The following ACKR2 variants were observed in gnomAD, a reference collection of about 807,000 sequenced individuals.
ACKR2 encodes atypical chemokine receptor 2.
For synonymous variants in ACKR2, 207 were observed against 192.2 expected, an observed-to-expected ratio of 1.08 and a Z score of -0.64; for missense variants, 457 against 477.3, an observed-to-expected ratio of 0.96 and a Z score of 0.40.
chr3:42,855,447 A>T lies in ACKR2; in HGVS notation c.-37-9019A>T, dbSNP rs548254394. Among the ~76,000 whole-genome samples the T allele has an allele frequency of 3.0e-4, 46 of 152,316 alleles. No individual in the cohort carries two copies. In the South Asian group the frequency reaches 8.7e-3, roughly 29 times the overall value. On this transcript the variant is annotated intron_variant, in intron 2 of 2. Transcript: ENST00000422265. ...GCTGACTGCTGCTGTCATTGTTGGC[A>T]TTATTGATGAAAGTGATAGGAGGGA...
intron 2 of ACKR2, chr3:42,844,008 G>A (rs1415968201): frequency 1.3e-5 from 2 of 152,214 alleles, no homozygotes; most frequent in African/African-American, 4.8e-5. Flanking sequence ...ACCTCTCCGG[G>A]AACCCGCTGT....
chr3:42,817,343 G>A (rs939770740), intron 1 of ACKR2, among the ~76,000 whole-genome samples: 1 of 151,896 alleles, frequency 6.6e-6, no homozygotes, highest in Non-Finnish European at 1.5e-5. Flanking sequence ...GTTCAGCCTC[G>A]ACTTCCATTC....
chr3:42,853,004 C>A (rs145652459), intron 2 of ACKR2, among the ~76,000 whole-genome samples: 1 of 152,170 alleles, frequency 6.6e-6, no homozygotes, highest in African/African-American at 2.4e-5. Flanking sequence ...CCTGTTCACC[C>A]CTTCACGAGG....
chr3:42,828,693 A>G (rs1700898101), intron 2 of ACKR2, among the ~76,000 whole-genome samples: 1 of 152,190 alleles, frequency 6.6e-6, no homozygotes, highest in Non-Finnish European at 1.5e-5. Flanking sequence ...TATTCTGTCT[A>G]ATTCAGGACA....
chr3:42,845,814 A>G (rs1314571354), intron 2 of ACKR2, among the ~76,000 whole-genome samples: 1 of 147,994 alleles, frequency 6.8e-6, no homozygotes, highest in South Asian at 2.1e-4. Context: ...GTGCCACTGC[A>G]CTCCAGCCTG....
intron 2 of ACKR2, among the ~76,000 whole-genome samples, chr3:42,855,631 A>T (rs2088309019): frequency 6.6e-6 from 1 of 152,158 alleles, no homozygotes; most frequent in African/African-American, 2.4e-5. Context: ...AGATTCCCAG[A>T]GTGAGAGATC....
intron 1 of ACKR2, among the ~76,000 whole-genome samples, chr3:42,817,422 C>T (rs1351694239): frequency 6.6e-6 from 1 of 152,108 alleles, no homozygotes; most frequent in Non-Finnish European, 1.5e-5. Context: ...TCCTCTCTTA[C>T]CCTACCTGCG....
intron 2 of ACKR2, chr3:42,856,419 T>C (rs935486313): frequency 5.7e-6 from 4 of 702,864 alleles, no homozygotes; most frequent in Non-Finnish European, 1.0e-5. Context: ...CATGGTATCA[T>C]AGATACTTTG....
Position 42,864,979 on chromosome 3 carries a change from C to G in ACKR2, c.477C>G (p.Ala159=), listed in dbSNP as rs1239031091. The part of the protein sequence containing the change: ...AQPYHRLRTR[A]KSLLLATIVW... Reference sequence around the variant, plus strand: ...CCTACCACAGGCTGAGGACCCGGGCCAAGAGCCTGCTCCTTGCTACCATAG... The same window carrying G: ...CCTACCACAGGCTGAGGACCCGGGCGAAGAGCCTGCTCCTTGCTACCATAG... Residue 159 remains alanine (A), a synonymous_variant, in exon 3 of 3, where the codon GCC becomes GCG. Coordinates refer to ENST00000422265, the MANE Select transcript of ACKR2 (RefSeq NM_001296.5). The G allele has an allele frequency of 6.2e-7, 1 of 1,614,134 alleles. No individual in the cohort carries two copies. Among genetic ancestry groups the G allele is most frequent in the South Asian group, 1.1e-5 (1 of 91,090 alleles).
In ACKR2 at chr3:42,867,144, A is replaced by G. The variant is rs532973327; in HGVS notation, c.*1487A>G. 3 of 167,296 alleles carry G rather than the reference A, an allele frequency of 1.8e-5. No homozygotes were observed. The highest frequency in any genetic ancestry group is 7.2e-5 in the African/African-American group (3 of 41,586). The allele number at this position is 167,296 out of a possible 1,614,324, so 10.4% of individuals were successfully genotyped here. On this transcript the variant is annotated 3_prime_UTR_variant, in exon 3 of 3. Transcript: ENST00000422265. The stretch of plus-strand genomic sequence containing the variant: ...TGCCTCAGCCTCCCAAAGTGCTGGG[A>G]TTACAGGCGTGAGCCACTGCACAGG...
At chr3:42,837,770 T>C (rs1317044702) in intron 2 of ACKR2, among the ~76,000 whole-genome samples, 2 of 152,162 alleles carry the variant, frequency 1.3e-5, no homozygotes, top group Non-Finnish European at 2.9e-5. Flanking sequence ...CATCTAAAAT[T>C]AACTGTCACA....
chr3:42,864,934 G>A lies in ACKR2; in HGVS notation c.432G>A (p.Leu144=), dbSNP rs147267382. The stretch of plus-strand genomic sequence containing the variant: ...GCTGCATGAGCCTGGACAAGTACCT[G>A]GAGATCGTTCATGCTCAGCCCTACC... The part of the protein sequence containing the change: ...FISCMSLDKY[L]EIVHAQPYHR... Residue 144 remains leucine (L), a synonymous_variant, in exon 3 of 3, where the codon CTG becomes CTA. Coordinates refer to ENST00000422265, the MANE Select transcript of ACKR2 (RefSeq NM_001296.5). 6.2e-7 allele frequency: 1 copy of A among 1,614,038 alleles called. No homozygotes were observed. The highest frequency in any genetic ancestry group is 1.3e-5 in the African/African-American group (1 of 74,916).
chr3:42,818,402 G>T (rs574543731), intron 1 of ACKR2, among the ~76,000 whole-genome samples: 1 of 152,202 alleles, frequency 6.6e-6, no homozygotes, highest in Non-Finnish European at 1.5e-5. Context: ...GCTCTATGAA[G>T]ATCTAGGGGA....
At chr3:42,857,272 A>G (rs1367347171) in intron 2 of ACKR2, among the ~76,000 whole-genome samples, 1 of 152,102 alleles carries the variant, frequency 6.6e-6, no homozygotes, top group African/African-American at 2.4e-5. Flanking sequence ...AAGAGGAGAG[A>G]CTCACAGGGT....
At chr3:42,863,753 A>G (rs573249802) in intron 2 of ACKR2, among the ~76,000 whole-genome samples, 1 of 152,308 alleles carries the variant, frequency 6.6e-6, no homozygotes, top group African/African-American at 2.4e-5. Flanking sequence ...GCAAACTAAC[A>G]TAAGAACAGA....
chr3:42,825,234 C>G (rs1700850749), intron 2 of ACKR2, among the ~76,000 whole-genome samples: 1 of 152,138 alleles, frequency 6.6e-6, no homozygotes, highest in Admixed American at 6.5e-5. Flanking sequence ...ATGTCTGTTT[C>G]TGTAAAAAAT....
At chr3:42,820,687 G>C (rs1194191053) in intron 2 of ACKR2, among the ~76,000 whole-genome samples, 7 of 131,118 alleles carry the variant, frequency 5.3e-5, no homozygotes, top group Non-Finnish European at 7.9e-5. Context: ...CTGAGGGCCA[G>C]AAGAGATTTT....
chr3:42,857,527 C>T (rs2088333024), intron 2 of ACKR2, among the ~76,000 whole-genome samples: 1 of 152,086 alleles, frequency 6.6e-6, no homozygotes, highest in Non-Finnish European at 1.5e-5. Context: ...TACATTTAAG[C>T]ATAACAAGAA....
At chr3:42,837,849 C>T (rs115386275) in intron 2 of ACKR2, among the ~76,000 whole-genome samples, 2 of 152,184 alleles carry the variant, frequency 1.3e-5, no homozygotes, top group Non-Finnish European at 2.9e-5. Context: ...CAGCCCCCAT[C>T]TCCCTGGACT....
Sources: gnomAD v4.1 joint callset for allele counts (sites outside exome capture counted in the v4.1 genomes callset) on GRCh38, gnomAD v4.1.1 for gene constraint, MANE v1.5 for transcripts, NCBI Gene and HGNC (gene_info 2026-07-23, HGNC 2026-07-21) for gene names.